The following SYNPR variants were observed in gnomAD, a reference collection of about 807,000 sequenced individuals.
The protein encoded by SYNPR is synaptoporin.
SYNPR carries 23 observed loss-of-function variants against 32.9 expected under a neutral mutation model. That is an observed-to-expected ratio of 0.70 (90% CI 0.50 to 0.99). The LOEUF (loss-of-function observed/expected upper bound fraction) is 0.99, where lower values mean the gene tolerates loss of function less well. Ranked by LOEUF, SYNPR falls within the 50% of genes least tolerant of loss-of-function variation. The pLI, the probability that SYNPR is intolerant of heterozygous loss-of-function variation, is 0.00. For synonymous variants in SYNPR, 146 were observed against 135.9 expected, an observed-to-expected ratio of 1.07 and a Z score of -0.52; for missense variants, 318 against 349.3, an observed-to-expected ratio of 0.91 and a Z score of 0.71.
chr3:63,233,133 A>G lies in SYNPR; in HGVS notation n.66+4753A>G, dbSNP rs186515818. On this transcript the variant is annotated intron_variant and non_coding_transcript_variant, in intron 1 of 4. Transcript: ENST00000478456. The stretch of plus-strand genomic sequence containing the variant: ...GGGCCTTGGAACTAAGTGGTTAAAC[A>G]CACAGCCTCCCAGAGTCCCCTCAAG... Among the ~76,000 whole-genome samples, 3 of 152,326 alleles carry G rather than the reference A, an allele frequency of 2.0e-5. 1 individual carries two copies. The highest frequency in any genetic ancestry group is 2.0e-4 in the Admixed American group (3 of 15,306).
chr3:63,224,430 G>A (rs143162268), upstream of SYNPR, among the ~76,000 whole-genome samples: 1 of 152,260 alleles, frequency 6.6e-6, no homozygotes, highest in East Asian at 1.9e-4. Context: ...GGGGACCACT[G>A]TGATAGAAGA....
At chr3:63,254,710 G>A (rs545882033) in intron 2 of SYNPR, among the ~76,000 whole-genome samples, 1 of 152,246 alleles carries the variant, frequency 6.6e-6, no homozygotes, top group Non-Finnish European at 1.5e-5. Context: ...GGGCCGAATT[G>A]TGTTCCTCCA....
intron 4 of SYNPR, among the ~76,000 whole-genome samples, chr3:63,600,896 C>CA (rs1182647141): frequency 1.3e-5 from 2 of 152,094 alleles, no homozygotes; most frequent in African/African-American, 2.4e-5. Flanking sequence ...TGCCCAAAGC[C>CA]AAAAAATACA....
intron 2 of SYNPR, among the ~76,000 whole-genome samples, chr3:63,301,342 T>C (rs926551500): frequency 6.6e-6 from 1 of 152,142 alleles, no homozygotes; most frequent in Admixed American, 6.6e-5. Flanking sequence ...AAGCTATTTT[T>C]AAAATATTTA....
At chr3:63,544,682 C>A (rs1702369070) in intron 3 of SYNPR, among the ~76,000 whole-genome samples, 1 of 152,000 alleles carries the variant, frequency 6.6e-6, no homozygotes, top group African/African-American at 2.4e-5. Flanking sequence ...TAGAATATGC[C>A]TGTTTCCAGT....
At chr3:63,412,892 C>G (rs548374003) in intron 2 of SYNPR, among the ~76,000 whole-genome samples, 1 of 152,278 alleles carries the variant, frequency 6.6e-6, no homozygotes, top group South Asian at 2.1e-4. Flanking sequence ...GTAGATAACT[C>G]TGCTGGAGTC....
At chr3:63,315,509 G>C (rs1355443070) in intron 2 of SYNPR, among the ~76,000 whole-genome samples, 1 of 151,954 alleles carries the variant, frequency 6.6e-6, no homozygotes, top group East Asian at 1.9e-4. Context: ...TATTGTAAAA[G>C]GGGTTGAGTT....
chr3:63,499,946 G>T (rs1701447580), intron 3 of SYNPR, among the ~76,000 whole-genome samples: 1 of 151,916 alleles, frequency 6.6e-6, no homozygotes, highest in African/African-American at 2.4e-5. Flanking sequence ...AAGTCAAAAT[G>T]GAAGGCTAAA....
chr3:63,398,152 T>A (rs1343692834), intron 2 of SYNPR, among the ~76,000 whole-genome samples: 1 of 152,296 alleles, frequency 6.6e-6, no homozygotes, highest in East Asian at 1.9e-4. Context: ...TTGTCCTTCT[T>A]TGTCTTCTGT....
intron 2 of SYNPR, among the ~76,000 whole-genome samples, chr3:63,477,224 A>G (rs1256294374): frequency 6.6e-6 from 1 of 152,134 alleles, no homozygotes; most frequent in African/African-American, 2.4e-5. Flanking sequence ...GAGAGCCTCC[A>G]GTCCCCTCTC....
At chr3:63,511,554 G>A (rs568420229) in intron 3 of SYNPR, among the ~76,000 whole-genome samples, 19 of 152,224 alleles carry the variant, frequency 1.2e-4, no homozygotes, top group African/African-American at 3.4e-4. Context: ...GAACTAGGAC[G>A]AGCTTGTGCT....
At chr3:63,540,891 TACACACACAC>T (rs34925541) in intron 3 of SYNPR, among the ~76,000 whole-genome samples, 2 of 122,858 alleles carry the variant, frequency 1.6e-5, no homozygotes, top group Non-Finnish European at 3.4e-5. Flanking sequence ...CTATCACTCC[TACACACACAC>T]ACACACACAC....
chr3:63,550,540 A>T (rs1702481893), intron 3 of SYNPR, among the ~76,000 whole-genome samples: 1 of 152,136 alleles, frequency 6.6e-6, no homozygotes, highest in Admixed American at 6.6e-5. Flanking sequence ...TTAAGTCAAC[A>T]TGCTAAGTCA....
chr3:63,560,912 T>C (rs139852891), intron 4 of SYNPR, among the ~76,000 whole-genome samples: 103 of 152,294 alleles, frequency 6.8e-4, no homozygotes, highest in African/African-American at 2.4e-3. Flanking sequence ...CCTAACCATA[T>C]CAACTACTGA....
At chr3:63,224,908 C>T (rs1223572653), upstream of SYNPR, among the ~76,000 whole-genome samples, 1 of 152,174 alleles carries the variant, frequency 6.6e-6, no homozygotes. Flanking sequence ...CTCTTGTGCT[C>T]ATTGTGTAAC....
At chr3:63,226,542 C>G (rs572865893), upstream of SYNPR, among the ~76,000 whole-genome samples, 30 of 152,188 alleles carry the variant, frequency 2.0e-4, no homozygotes, top group South Asian at 6.2e-4. Context: ...GAAATCATGT[C>G]ATTTGCAGAA....
intron 1 of SYNPR, among the ~76,000 whole-genome samples, chr3:63,249,374 T>G (rs1306580384): frequency 6.6e-6 from 1 of 152,100 alleles, no homozygotes; most frequent in Non-Finnish European, 1.5e-5. Context: ...TGTGGTGATA[T>G]TCATCAATAT....
At chr3:63,200,839 T>C in the SYNPR span, among the ~76,000 whole-genome samples, 4 of 152,154 alleles carry the variant, frequency 2.6e-5, no homozygotes, top group East Asian at 1.9e-4. Flanking sequence ...TTTATCTCTT[T>C]TCTGAGATGA....
intron 2 of SYNPR, among the ~76,000 whole-genome samples, chr3:63,281,078 T>G (rs1397532075): frequency 1.3e-5 from 2 of 152,168 alleles, no homozygotes; most frequent in African/African-American, 2.4e-5. Flanking sequence ...GTGCACACAA[T>G]GGCTTGAGGA....
Sources: gnomAD v4.1 joint callset for allele counts (sites outside exome capture counted in the v4.1 genomes callset) on GRCh38, gnomAD v4.1.1 for gene constraint, MANE v1.5 for transcripts, NCBI Gene and HGNC (gene_info 2026-07-23, HGNC 2026-07-21) for gene names.